Variants in HMCN1 observed in about 807,000 individuals in gnomAD.
HMCN1 encodes the protein hemicentin-1.
A neutral mutation model predicts 625.9 loss-of-function variants in HMCN1; 321 were observed. The observed-to-expected ratio is 0.51, with a 90% CI of 0.47 to 0.56. The LOEUF (loss-of-function observed/expected upper bound fraction) is 0.56. Ranked by LOEUF, HMCN1 falls within the 20% of genes least tolerant of loss-of-function variation. HMCN1 has a pLI of 0.00. For missense variants in HMCN1, 6,588 were observed against 6,887.3 expected (o/e 0.96, Z 1.54); for synonymous variants, 2,425 against 2,417.6 (o/e 1.00, Z -0.09).
intron 4 of HMCN1, among the ~76,000 whole-genome samples, chr1:185,893,640 A>T (rs971917445): frequency 1.3e-5 from 2 of 152,228 alleles, no homozygotes; most frequent in Admixed American, 6.5e-5. Flanking sequence ...AATACACTAC[A>T]GCATCAGATA....
At chr1:186,039,646 T>C in intron 38 of HMCN1, 82 bp from the exon 39 acceptor site, 1 of 1,392,628 alleles carries the variant, frequency 7.2e-7, no homozygotes, top group South Asian at 1.2e-5. Flanking sequence ...CATAATATTG[T>C]AGACATTAGA....
At chr1:185,837,501 G>A (rs1405650750) in intron 1 of HMCN1, among the ~76,000 whole-genome samples, 2 of 151,268 alleles carry the variant, frequency 1.3e-5, no homozygotes, top group African/African-American at 4.9e-5. Context: ...TATTTTAATT[G>A]TTCATAAAAA....
chr1:186,076,375 A>G (rs1245189124), intron 53 of HMCN1, 53 bp from the exon 54 acceptor site: 7 of 1,504,062 alleles, frequency 4.7e-6, no homozygotes, highest in Non-Finnish European at 6.4e-6. Context: ...CACAGCCAAG[A>G]TCTTTGTTTA....
rs764373225 is a variant in HMCN1 at position 186,145,793 on chromosome 1, C to T, written c.14478C>T (p.Cys4826=). ...GAAGCTGGCATAGTTGGAGCCAGTGCTCTGCCTCCTGTGGAGGAGGTGAAA... is the reference window on the plus strand; with the variant it reads ...GAAGCTGGCATAGTTGGAGCCAGTGTTCTGCCTCCTGTGGAGGAGGTGAAA... The part of the protein sequence containing the change: ...SWGSWHSWSQ[C]SASCGGGEKT... Residue 4826 remains cysteine (C), a synonymous_variant, in exon 93 of 107, where the codon TGC becomes TGT. Transcript: ENST00000271588. 1 of 1,613,990 alleles carries T rather than the reference C, an allele frequency of 6.2e-7. No individual in the cohort carries two copies. The highest frequency in any genetic ancestry group is 1.7e-5 in the Admixed American group (1 of 59,998).
chr1:185,815,587 A>G (rs540200984), intron 1 of HMCN1, among the ~76,000 whole-genome samples: 1 of 150,020 alleles, frequency 6.7e-6, no homozygotes, highest in Non-Finnish European at 1.5e-5. Flanking sequence ...TGTGGGGATA[A>G]TTTTGATATT....
intron 29 of HMCN1, among the ~76,000 whole-genome samples, chr1:186,004,082 A>G (rs1304701222): frequency 6.6e-6 from 1 of 152,186 alleles, no homozygotes; most frequent in Admixed American, 6.6e-5. Context: ...GAGGAACTCA[A>G]ATTTAATATA....
In HMCN1 at chr1:186,174,510, G is replaced by A. The variant is rs971619648; in HGVS notation, c.15815-4G>A. The A allele has an allele frequency of 1.2e-6, 2 of 1,613,646 alleles. No individual in the cohort carries two copies. The highest frequency in any genetic ancestry group is 1.7e-6 in the Non-Finnish European group (2 of 1,179,722). ...GTTACTTCTCATTGCCTCCATGTCTGTAGATATTGATGAATGTAAAGATGG... is the reference window on the plus strand; with the variant it reads ...GTTACTTCTCATTGCCTCCATGTCTATAGATATTGATGAATGTAAAGATGG... On this transcript the variant is annotated splice_region_variant and splice_polypyrimidine_tract_variant and intron_variant, in intron 102 of 106. Transcript: ENST00000271588.
Position 186,061,841 on chromosome 1 carries a change from G to C in HMCN1, c.7313-10G>C, listed in dbSNP as rs764613107. The C allele has an allele frequency of 6.3e-7, 1 of 1,575,288 alleles. No individual in the cohort carries two copies. The highest frequency in any genetic ancestry group is 8.7e-7 in the Non-Finnish European group (1 of 1,145,610). ...TTAAGTTATCTTAAAAAGATGGTTT[G>C]CTTCTGCAGGAGGCAGGATGCTACG... On this transcript the variant is annotated splice_polypyrimidine_tract_variant and intron_variant, in intron 46 of 106. Coordinates refer to ENST00000271588, the MANE Select transcript of HMCN1 (RefSeq NM_031935.3).
intron 40 of HMCN1, among the ~76,000 whole-genome samples, chr1:186,042,166 C>T (rs1221570109): frequency 6.6e-6 from 1 of 152,054 alleles, no homozygotes; most frequent in African/African-American, 2.4e-5. Context: ...TTCTGTTGCT[C>T]CTGCAATTGA....
chr1:185,909,586 C>A, intron 5 of HMCN1, 78 bp downstream of exon 5: 3 of 1,195,276 alleles, frequency 2.5e-6, no homozygotes, highest in South Asian at 2.5e-5. Context: ...TTGTTTTTGT[C>A]AAGTTAATGC....
At chr1:185,920,220 A>G (rs1314423458) in intron 6 of HMCN1, among the ~76,000 whole-genome samples, 1 of 152,134 alleles carries the variant, frequency 6.6e-6, no homozygotes, top group Non-Finnish European at 1.5e-5. Context: ...ACTTTAAATT[A>G]GCTCATTTTT....
intron 11 of HMCN1, among the ~76,000 whole-genome samples, chr1:185,944,159 T>TG (rs892316593): frequency 3.3e-5 from 5 of 149,734 alleles, no homozygotes; most frequent in African/African-American, 7.5e-5. Flanking sequence ...TAAAGGAAAG[T>TG]GGGAAAAAAA....
chr1:186,080,415 A>G (rs960626087), intron 55 of HMCN1, among the ~76,000 whole-genome samples: 1 of 152,240 alleles, frequency 6.6e-6, no homozygotes, highest in Non-Finnish European at 1.5e-5. Context: ...CAAAGCAGTC[A>G]ACATGTGTTC....
At chr1:186,007,482 G>T (rs745617548) in intron 30 of HMCN1, among the ~76,000 whole-genome samples, 200 bp downstream of exon 30, 17 of 151,988 alleles carry the variant, frequency 1.1e-4, no homozygotes, top group Non-Finnish European at 2.4e-4. Context: ...CATTAAATAT[G>T]GTTGTCTTCA....
chr1:185,979,062 AGTGTTCAGCTCT>A (rs1470250420), intron 16 of HMCN1, among the ~76,000 whole-genome samples: 1 of 152,178 alleles, frequency 6.6e-6, no homozygotes, highest in Non-Finnish European at 1.5e-5. Flanking sequence ...CAAGTGCTTC[AGTGTTCAGCTCT>A]GTGGTGAGCT....
At chr1:186,185,088 T>C (rs1653196655) in intron 105 of HMCN1, among the ~76,000 whole-genome samples, 2 of 152,188 alleles carry the variant, frequency 1.3e-5, no homozygotes, top group Admixed American at 1.3e-4. Context: ...AGAAAGTGTA[T>C]ATTTCTATAT....
intron 81 of HMCN1, among the ~76,000 whole-genome samples, chr1:186,124,189 T>C (rs981470609): frequency 2.6e-5 from 4 of 152,108 alleles, no homozygotes; most frequent in Admixed American, 2.6e-4. Flanking sequence ...AGATAGACCA[T>C]AATTTCTACC....
rs58164381 is a variant in HMCN1 at position 185,924,215 on chromosome 1, C to CTTTTTTTTTTTTT, written c.1285+583_1285+595dup. Among the ~76,000 whole-genome samples the CTTTTTTTTTTTTT allele has an allele frequency of 3.4e-4, 15 of 43,650 alleles. 4 individuals carry two copies. Among genetic ancestry groups the CTTTTTTTTTTTTT allele is most frequent in the African/African-American group, 4.4e-4 (5 of 11,316 alleles). 28.6% of individuals were successfully genotyped at this position (43,650 alleles called of 152,430 possible). On this transcript the variant is annotated intron_variant, in intron 8 of 106. Transcript: ENST00000271588. ...GCTCATGACTGAACTCTGACCCAATCTTTTTTTTTTTTTTTTTTTTTTTTT... is the reference window on the plus strand; with the variant it reads ...GCTCATGACTGAACTCTGACCCAATCTTTTTTTTTTTTTTTTTTTTTTTTTTTTTTTTTTTTTT...
At chr1:185,999,238 TTTA>T (rs146645808) in intron 25 of HMCN1, among the ~76,000 whole-genome samples, 13 of 152,038 alleles carry the variant, frequency 8.6e-5, no homozygotes, top group Admixed American at 2.0e-4. Context: ...TTTAATGTTT[TTTA>T]TTATTATTAT....
Sources: allele counts gnomAD v4.1 joint callset (sites outside exome capture counted in the v4.1 genomes callset), GRCh38; gene constraint gnomAD v4.1.1; transcripts MANE v1.5; gene names NCBI Gene and HGNC (gene_info 2026-07-23, HGNC 2026-07-21).